The following PKHD1L1 variants were observed in gnomAD, a reference collection of about 807,000 sequenced individuals.
PKHD1L1 encodes the protein fibrocystin-L.
A neutral mutation model predicts 462.9 loss-of-function variants in PKHD1L1; 434 were observed. The observed-to-expected ratio is 0.94, with a 90% CI of 0.87 to 1.02. The LOEUF is 1.02. Ranked by LOEUF, PKHD1L1 falls within the 50% of genes least tolerant of loss-of-function variation. The pLI is 0.00. For synonymous variants in PKHD1L1, 1,781 were observed against 1,750.0 expected, an observed-to-expected ratio of 1.02 and a Z score of -0.44; for missense variants, 5,202 against 5,096.1, an observed-to-expected ratio of 1.02 and a Z score of -0.63.
chr8:109,394,486 G>C lies in PKHD1L1; in HGVS notation c.811+1G>C, dbSNP rs1010968246. On this transcript the variant is annotated splice_donor_variant, in intron 10 of 77. Coordinates refer to ENST00000378402, the MANE Select transcript of PKHD1L1 (RefSeq NM_177531.6). LOFTEE classifies it high-confidence loss of function. ...ATTGCAATGTTTCAAACATATGCAG[G>C]TATGTGACTTTTCTTTCACTCTGTT... 7.4e-6 allele frequency: 11 copies of C among 1,494,672 alleles called. No individual in the cohort carries two copies. Among genetic ancestry groups the C allele is most frequent in the Non-Finnish European group, 9.0e-6 (10 of 1,114,236 alleles). 92.6% of individuals were successfully genotyped at this position (1,494,672 alleles called of 1,614,324 possible).
intron 8 of PKHD1L1, among the ~76,000 whole-genome samples, 156 bp downstream of exon 8, chr8:109,389,308 T>C (rs150789984): frequency 6.6e-6 from 1 of 152,330 alleles, no homozygotes; most frequent in Non-Finnish European, 1.5e-5. Context: ...TTCTTTTCAC[T>C]TTCATGCAAA....
rs983422190 is a variant in PKHD1L1 at position 109,456,203 on chromosome 8, G to A, written c.6875-59G>A. Reference sequence around the variant, plus strand: ...TTAGGAAAAGATTAAAATGTATAAAGTTCTCAATAACAAATCAAACACATG... The same window carrying A: ...TTAGGAAAAGATTAAAATGTATAAAATTCTCAATAACAAATCAAACACATG... On this transcript the variant is annotated intron_variant, in intron 45 of 77. Coordinates refer to ENST00000378402, the MANE Select transcript of PKHD1L1 (RefSeq NM_177531.6). 9 of 1,516,412 alleles carry A rather than the reference G, an allele frequency of 5.9e-6. No individual in the cohort carries two copies. The African/African-American group carries it at 1.1e-4, about 19-fold the overall frequency. 93.9% of individuals were successfully genotyped at this position (1,516,412 alleles called of 1,614,324 possible).
intron 57 of PKHD1L1, among the ~76,000 whole-genome samples, chr8:109,483,912 A>C (rs1341546826): frequency 1.3e-5 from 2 of 151,816 alleles, no homozygotes; most frequent in African/African-American, 4.8e-5. Flanking sequence ...TGTGCTCATA[A>C]ACTATGCACA....
At position 109,459,682 on chromosome 8, in the gene PKHD1L1, C is replaced by T. The variant is rs1421167473; in HGVS notation, c.7092C>T (p.Tyr2364=). ...TAACACTAAGTAACCCACTAAATTA[C>T]ACACACTTAGGAATTACGGTCACAC... ...INITLSNPLN[Y]THLGITVTLP... The change falls in exon 47 of 78, where the codon TAC becomes TAT. Residue 2364 remains tyrosine (Y), a synonymous_variant. Coordinates refer to ENST00000378402, the MANE Select transcript of PKHD1L1 (RefSeq NM_177531.6). 5.0e-6 allele frequency: 8 copies of T among 1,610,926 alleles called. No individual in the cohort carries two copies. The highest frequency in any genetic ancestry group is 6.8e-6 in the Non-Finnish European group (8 of 1,178,446).
At chr8:109,471,220 T>G in intron 50 of PKHD1L1, 1 of 706,802 alleles carries the variant, frequency 1.4e-6, no homozygotes, top group South Asian at 3.4e-5. Context: ...GATGGTGTCA[T>G]TTAGTAAGGG....
At chr8:109,479,509 C>T in intron 53 of PKHD1L1, 42 bp from the exon 54 acceptor site, 2 of 1,247,304 alleles carry the variant, frequency 1.6e-6, no homozygotes, top group Non-Finnish European at 2.3e-6. Context: ...TAGGGAATAT[C>T]ACAAGTAGTA....
At position 109,490,969 on chromosome 8, in the gene PKHD1L1, T is replaced by C. The variant is rs748736674; in HGVS notation, c.9985-3T>C. ...ATGTTCTCTGTATCCCAATGTTGTA[T>C]AGATTCAAGAACATGGCTCATCTTA... is the stretch of plus-strand genomic sequence containing the variant. On this transcript the variant is annotated splice_region_variant and splice_polypyrimidine_tract_variant and intron_variant, in intron 60 of 77. Transcript: ENST00000378402. The C allele has an allele frequency of 2.0e-5, 32 of 1,600,578 alleles. No individual in the cohort carries two copies. Among genetic ancestry groups the C allele is most frequent in the Non-Finnish European group, 2.6e-5 (31 of 1,171,342 alleles).
At position 109,464,449 on chromosome 8, in the gene PKHD1L1, G is replaced by T. The variant is rs1817311056; in HGVS notation, c.7617G>T (p.Gln2539His). The T allele has an allele frequency of 1.2e-6, 2 of 1,613,706 alleles. No homozygotes were observed. Among genetic ancestry groups the T allele is most frequent in the Non-Finnish European group, 1.7e-6 (2 of 1,179,756 alleles). The change falls in exon 49 of 78, where the codon CAG becomes CAT. Residue 2539 changes from glutamine to histidine, a missense_variant. Physicochemically the swap from Gln to His is conservative, Grantham distance 24 (BLOSUM62 0). Around this residue, in one of 3 missense-constraint regions of PKHD1L1, gnomAD observed 4,497 missense variants for 4,336.8 expected, o/e 1.04. Transcript: ENST00000378402. ...GTATTGAACATGGCAATATCCTCCA[G>T]TATAACTTGGCAGTATTTGTACAGC... The part of the protein sequence containing the change: ...EDGIEHGNIL[Q>H]YNLAVFVQQS...
chr8:109,438,924 A>G lies in PKHD1L1; in HGVS notation c.3788A>G (p.Tyr1263Cys). Residue 1263 changes from tyrosine to cysteine, a missense_variant, in exon 32 of 78, where the codon TAT (tyrosine) becomes TGT (cysteine). Transcript: ENST00000378402. ...LGEVNLTIKG[Y>C]NFGNELTQNM... ...GAAGTTAATTTAACAATTAAGGGCT[A>G]TAATTTTGGAAATGAACTCACACAA... 6.2e-7 allele frequency: 1 copy of G among 1,612,152 alleles called. No individual in the cohort carries two copies. Among genetic ancestry groups the G allele is most frequent in the Non-Finnish European group, 8.5e-7 (1 of 1,179,080 alleles).
chr8:109,443,333 G>A, intron 36 of PKHD1L1, among the ~76,000 whole-genome samples: 1 of 152,152 alleles, frequency 6.6e-6, no homozygotes, highest in East Asian at 1.9e-4. Context: ...GAATCCTTGT[G>A]TGCTTCCAAT....
At chr8:109,519,199 C>T (rs991010797) in intron 73 of PKHD1L1, among the ~76,000 whole-genome samples, 4 of 152,068 alleles carry the variant, frequency 2.6e-5, no homozygotes, top group Admixed American at 6.6e-5. Flanking sequence ...CCATCATCCC[C>T]TCTCTGTGTC....
chr8:109,461,962 G>T, intron 48 of PKHD1L1, 54 bp downstream of exon 48: 3 of 1,540,242 alleles, frequency 1.9e-6, no homozygotes, highest in Non-Finnish European at 2.6e-6. Flanking sequence ...ATCCATACAA[G>T]AAATGTGTGT....
chr8:109,399,402 G>A (rs944882369), intron 12 of PKHD1L1, among the ~76,000 whole-genome samples: 2 of 151,510 alleles, frequency 1.3e-5, no homozygotes, highest in African/African-American at 4.9e-5. Flanking sequence ...AAGCCTAATT[G>A]TTGTTGCAGT....
intron 28 of PKHD1L1, 39 bp downstream of exon 28, chr8:109,433,255 C>A: frequency 6.9e-7 from 1 of 1,445,306 alleles, no homozygotes. Context: ...AATTGTTCTT[C>A]TCTAAGATAA....
chr8:109,411,569 T>C (rs981579198), intron 19 of PKHD1L1, among the ~76,000 whole-genome samples: 2 of 152,186 alleles, frequency 1.3e-5, no homozygotes. Flanking sequence ...TCCTACTTCA[T>C]TTCTCATCAC....
Position 109,496,944 on chromosome 8 carries a change from G to GT in PKHD1L1, c.10356dup (p.Asp3453Ter). The GT allele has an allele frequency of 1.2e-6, 2 of 1,613,362 alleles. No individual in the cohort carries two copies. The highest frequency in any genetic ancestry group is 1.7e-6 in the Non-Finnish European group (2 of 1,179,544). On this transcript the variant is annotated frameshift_variant, in exon 64 of 78. Coordinates refer to ENST00000378402, the MANE Select transcript of PKHD1L1 (RefSeq NM_177531.6). LOFTEE classifies it high-confidence loss of function. ...GCCAGTTTAATCCTGTGGAAAAGTG[G>GT]TTTGACAATGAAGCCCATGGAGGTT...
intron 28 of PKHD1L1, among the ~76,000 whole-genome samples, chr8:109,434,614 G>A (rs1815294422): frequency 6.6e-6 from 1 of 151,910 alleles, no homozygotes; most frequent in South Asian, 2.1e-4. Context: ...GATTACAGGT[G>A]TCTGACACCA....
intron 17 of PKHD1L1, among the ~76,000 whole-genome samples, chr8:109,407,273 A>AT (rs1813607852): frequency 6.6e-6 from 1 of 152,158 alleles, no homozygotes; most frequent in South Asian, 2.1e-4. Flanking sequence ...AAAGAATTTG[A>AT]TTTTACATGA....
intron 71 of PKHD1L1, among the ~76,000 whole-genome samples, chr8:109,511,918 T>C (rs534037227): frequency 4.9e-4 from 74 of 152,254 alleles, no homozygotes; most frequent in Non-Finnish European, 3.1e-4. Context: ...CTCATTGTGG[T>C]TTGATTTGCA....
Sources: gnomAD v4.1 joint callset for allele counts (sites outside exome capture counted in the v4.1 genomes callset) on GRCh38, gnomAD v4.1.1 for gene constraint, gnomAD v4.1.1 regional missense constraint, MANE v1.5 for transcripts, NCBI Gene and HGNC (gene_info 2026-07-23, HGNC 2026-07-21) for gene names.